SEMG2: variants seen among roughly 807,000 people sequenced by gnomAD.
SEMG2 encodes semenogelin-2.
Under a neutral mutation model 8.1 loss-of-function variants are expected in SEMG2, and 3 were observed. The observed-to-expected ratio is 0.37, with a 90% CI of 0.17 to 0.96. The LOEUF is 0.96. Among genes scored for constraint, SEMG2 ranks in the 40% least tolerant of loss-of-function variants. The pLI, the probability that SEMG2 is intolerant of heterozygous loss-of-function variation, is 0.41. For synonymous variants in SEMG2, 252 were observed against 231.4 expected (o/e 1.09, Z -0.81); for missense variants, 726 against 671.2 (o/e 1.08, Z -0.90).
At position 45,223,151 on chromosome 20, in the gene SEMG2, C is replaced by G. The variant is rs139726931; in HGVS notation, c.1519C>G (p.Gln507Glu). The G allele has an allele frequency of 1.2e-6, 2 of 1,614,026 alleles. No homozygotes were observed. Among genetic ancestry groups the G allele is most frequent in the Non-Finnish European group, 1.7e-6 (2 of 1,179,962 alleles). The change falls in exon 2 of 3, where the codon CAA becomes GAA. Residue 507 changes from glutamine to glutamate, a missense_variant. Gln to Glu is a conservative substitution (Grantham distance 29). Transcript: ENST00000372769. ...TGAAAAGCTAGTAGAAGGCAAGTCT[C>G]AAATCCAGACACCAAATCCTAATCA... ...QIEKLVEGKS[Q>E]IQTPNPNQDQ...
rs1984060002 is a variant in SEMG2, at chr20:45,223,001, C to T, written c.1369C>T (p.Gln457Ter). The change falls in exon 2 of 3, where the codon CAA (glutamine) becomes TAA (stop). Residue 457 changes from glutamine (Q) to a stop codon, truncating the protein, a stop_gained. Coordinates refer to ENST00000372769, the MANE Select transcript of SEMG2 (RefSeq NM_003008.3). LOFTEE classifies it low-confidence loss of function (END_TRUNC). ...QNQVTIPSQD[Q>*]EHGHKENKMS... ...CCAGGTAACAATTCCTAGTCAAGAT[C>T]AAGAGCATGGCCATAAGGAAAATAA... is the stretch of plus-strand genomic sequence containing the variant. 1 of 1,614,118 alleles carries T rather than the reference C, an allele frequency of 6.2e-7. No individual in the cohort carries two copies. Among genetic ancestry groups the T allele is most frequent in the African/African-American group, 1.3e-5 (1 of 75,038 alleles).
chr20:45,221,867 A>G lies in SEMG2; in HGVS notation c.235A>G (p.Thr79Ala). Residue 79 changes from threonine (T) to alanine (A), a missense_variant, in exon 2 of 3, where the codon ACC (threonine) becomes GCC (alanine). By Grantham distance (58) the Thr-to-Ala change is moderately conservative. Coordinates refer to ENST00000372769, the MANE Select transcript of SEMG2 (RefSeq NM_003008.3). ...TGTAGACATCAATGATCATGACTGG[A>G]CCCGAAAAAGTCAGCAATATGATTT... Reference protein sequence around the residue: ...YHVDINDHDWTRKSQQYDLNA... With the variant: ...YHVDINDHDWARKSQQYDLNA... The G allele has an allele frequency of 1.9e-6, 3 of 1,614,098 alleles. No homozygotes were observed. The highest frequency in any genetic ancestry group is 2.5e-6 in the Non-Finnish European group (3 of 1,180,004).
chr20:45,223,341 CACA>C lies in SEMG2; in HGVS notation c.1714_1716del (p.Gln572del). ...GAGGTTGCCCAAGATGATCATTTGA[CACA>C]ACAATATAATGAAGACAGAAATCCA... On this transcript the variant is annotated inframe_deletion, in exon 2 of 3. Coordinates refer to ENST00000372769, the MANE Select transcript of SEMG2 (RefSeq NM_003008.3). The C allele has an allele frequency of 6.2e-7, 1 of 1,613,742 alleles. No homozygotes were observed. The highest frequency in any genetic ancestry group is 8.5e-7 in the Non-Finnish European group (1 of 1,179,754).
Position 45,223,231 on chromosome 20 carries a change from C to T in SEMG2, c.1599C>T (p.Ser533=). 1 of 1,614,106 alleles carries T rather than the reference C, an allele frequency of 6.2e-7. No homozygotes were observed. Among genetic ancestry groups the T allele is most frequent in the African/African-American group, 1.3e-5 (1 of 75,026 alleles). The part of the protein sequence containing the change: ...AKGKSGQSAD[S]KQDLLSHEQK... Reference sequence around the variant, plus strand: ...GAAAGTCTGGTCAATCTGCAGATAGCAAACAAGACCTACTCAGTCATGAAC... The same window carrying T: ...GAAAGTCTGGTCAATCTGCAGATAGTAAACAAGACCTACTCAGTCATGAAC... Residue 533 remains serine, a synonymous_variant, in exon 2 of 3, where the codon AGC becomes AGT. Coordinates refer to ENST00000372769, the MANE Select transcript of SEMG2 (RefSeq NM_003008.3).
chr20:45,221,522 A>C (rs1218138954), intron 1 of SEMG2, 57 bp downstream of exon 1: 2 of 1,592,392 alleles, frequency 1.3e-6, no homozygotes, highest in East Asian at 4.5e-5. Context: ...GCCTCTAAGG[A>C]TATTCAGGGT....
Position 45,222,117 on chromosome 20 carries a change from C to G in SEMG2, c.485C>G (p.Thr162Arg). ...GKGLSSQCSN[T>R]EKRLWVHGLS... ...GGATTATCCAGTCAATGTTCAAACA[C>G]AGAAAAAAGGCTATGGGTTCATGGA... is the stretch of plus-strand genomic sequence containing the variant. Residue 162 changes from threonine (T) to arginine (R), a missense_variant, in exon 2 of 3, where the codon ACA becomes AGA. By Grantham distance (71) the Thr-to-Arg change is moderately conservative (BLOSUM62 -1). Coordinates refer to ENST00000372769, the MANE Select transcript of SEMG2 (RefSeq NM_003008.3). 1 of 1,613,180 alleles carries G rather than the reference C, an allele frequency of 6.2e-7. No homozygotes were observed.
At position 45,222,750 on chromosome 20, in the gene SEMG2, G is replaced by A. The variant is rs1354108950; in HGVS notation, c.1118G>A (p.Ser373Asn). 2 of 1,614,030 alleles carry A rather than the reference G, an allele frequency of 1.2e-6. No individual in the cohort carries two copies. Among genetic ancestry groups the A allele is most frequent in the South Asian group, 1.1e-5 (1 of 91,078 alleles). Residue 373 changes from serine (S) to asparagine (N), a missense_variant, in exon 2 of 3, where the codon AGT (serine) becomes AAT (asparagine). By Grantham distance (46) the Ser-to-Asn change is conservative. Transcript: ENST00000372769. ...KGIQKGVSKG[S>N]ISIQTEEQIH... is the part of the protein sequence containing the mutation. ...ATCCAGAAAGGTGTATCCAAAGGCA[G>A]TATTTCGATCCAAACTGAAGAGCAA...
Position 45,221,458 on chromosome 20 carries a change from A to T in SEMG2, c.69A>T (p.Gly23=), listed in dbSNP as rs1266304622. The T allele has an allele frequency of 5.0e-6, 8 of 1,614,032 alleles. No homozygotes were observed. Among genetic ancestry groups the T allele is most frequent in the Non-Finnish European group, 5.9e-6 (7 of 1,180,018 alleles). The change falls in exon 1 of 3, where the codon GGA becomes GGT. Residue 23 remains glycine (G), a synonymous_variant. Coordinates refer to ENST00000372769, the MANE Select transcript of SEMG2 (RefSeq NM_003008.3). ...TGGAGAAGCAAGCAGCTGTGATGGGACAAAAAGGTGAGTGGAGAGGGTAAG... is the reference window on the plus strand; with the variant it reads ...TGGAGAAGCAAGCAGCTGTGATGGGTCAAAAAGGTGAGTGGAGAGGGTAAG... ...LILEKQAAVM[G]QKGGSKGQLP...
chr20:45,221,865 G>A lies in SEMG2; in HGVS notation c.233G>A (p.Trp78Ter), dbSNP rs2145591196. Residue 78 changes from tryptophan to a stop codon, truncating the protein, a stop_gained, in exon 2 of 3, where the codon TGG becomes TAG. Transcript: ENST00000372769. LOFTEE classifies it low-confidence loss of function (END_TRUNC). Reference sequence around the variant, plus strand: ...CATGTAGACATCAATGATCATGACTGGACCCGAAAAAGTCAGCAATATGAT... The same window carrying A: ...CATGTAGACATCAATGATCATGACTAGACCCGAAAAAGTCAGCAATATGAT... ...TYHVDINDHD[W>*]TRKSQQYDLN... is the part of the protein sequence containing the mutation. The A allele has an allele frequency of 6.2e-7, 1 of 1,613,980 alleles. No homozygotes were observed. The highest frequency in any genetic ancestry group is 1.7e-5 in the Admixed American group (1 of 59,996).
chr20:45,221,653 G>A, intron 1 of SEMG2, 56 bp from the exon 2 acceptor site: 1 of 1,472,914 alleles, frequency 6.8e-7, no homozygotes, highest in Non-Finnish European at 9.2e-7. Flanking sequence ...GGAGGTAAGA[G>A]TTGCAAGAGA....
rs1434027050 is a variant in SEMG2, at chr20:45,222,372, A to T, written c.740A>T (p.Gln247Leu). 1 of 1,614,180 alleles carries T rather than the reference A, an allele frequency of 6.2e-7. No individual in the cohort carries two copies. Among genetic ancestry groups the T allele is most frequent in the East Asian group, 2.2e-5 (1 of 44,884 alleles). Residue 247 changes from glutamine (Q) to leucine (L), a missense_variant, in exon 2 of 3, where the codon CAA (glutamine) becomes CTA (leucine). Transcript: ENST00000372769. ...CATCCTGCACATCAAGACAGACTCC[A>T]ACATGGACCCAAAGACATTTTTACT... ...SLHPAHQDRL[Q>L]HGPKDIFTTQ...
Position 45,221,476 on chromosome 20 carries a change from A to T in SEMG2, c.76+11A>T, listed in dbSNP as rs1259115496. The T allele has an allele frequency of 6.2e-7, 1 of 1,613,852 alleles. No homozygotes were observed. The highest frequency in any genetic ancestry group is 8.5e-7 in the Non-Finnish European group (1 of 1,179,932). ...TGATGGGACAAAAAGGTGAGTGGAG[A>T]GGGTAAGCCTTGGGGAAAGCTACTT... On this transcript the variant is annotated intron_variant, in intron 1 of 2. Coordinates refer to ENST00000372769, the MANE Select transcript of SEMG2 (RefSeq NM_003008.3).
rs1027654220 is a variant in SEMG2, at chr20:45,222,950, G to A, written c.1318G>A (p.Glu440Lys). Residue 440 changes from glutamate to lysine, a missense_variant, in exon 2 of 3, where the codon GAG (glutamate) becomes AAG (lysine). By Grantham distance (56) the Glu-to-Lys change is moderately conservative. Transcript: ENST00000372769. ...SKGSISIQTEEKIHGKSQNQV... is the reference protein window; with the variant it reads ...SKGSISIQTEKKIHGKSQNQV... ...AGGCAGTATTTCTATCCAAACTGAA[G>A]AGAAAATACATGGCAAGTCTCAAAA... 4 of 1,613,566 alleles carry A rather than the reference G, an allele frequency of 2.5e-6. No homozygotes were observed. Among genetic ancestry groups the A allele is most frequent in the African/African-American group, 1.3e-5 (1 of 74,856 alleles).
Position 45,222,797 on chromosome 20 carries a change from C to T in SEMG2, c.1165C>T (p.Gln389Ter), listed in dbSNP as rs1984053632. The T allele has an allele frequency of 1.2e-6, 2 of 1,614,074 alleles. No individual in the cohort carries two copies. The highest frequency in any genetic ancestry group is 1.7e-6 in the Non-Finnish European group (2 of 1,180,002). Residue 389 changes from glutamine (Q) to a stop codon, truncating the protein, a stop_gained, in exon 2 of 3, where the codon CAG becomes TAG. Coordinates refer to ENST00000372769, the MANE Select transcript of SEMG2 (RefSeq NM_003008.3). LOFTEE classifies it low-confidence loss of function (END_TRUNC). The stretch of plus-strand genomic sequence containing the variant: ...GCAAATACATGGCAAGTCTCAAAAC[C>T]AGGTAAGAATTCCTAGTCAAGCTCA... Reference protein sequence around the residue: ...EEQIHGKSQNQVRIPSQAQEY... With the variant: ...EEQIHGKSQN
Position 45,222,236 on chromosome 20 carries a change from G to T in SEMG2, c.604G>T (p.Val202Leu), listed in dbSNP as rs543677867. The part of the protein sequence containing the change: ...SSYVLQTEEL[V>L]VNKQQRETKN... ...TTATGTTCTCCAAACTGAAGAACTA[G>T]TAGTTAACAAACAACAACGTGAGAC... The change falls in exon 2 of 3, where the codon GTA (valine) becomes TTA (leucine). Residue 202 changes from valine (V) to leucine (L), a missense_variant. Physicochemically the swap from Val to Leu is conservative, Grantham distance 32. Coordinates refer to ENST00000372769, the MANE Select transcript of SEMG2 (RefSeq NM_003008.3). 5 of 1,614,170 alleles carry T rather than the reference G, an allele frequency of 3.1e-6. No individual in the cohort carries two copies. The South Asian group carries it at 5.5e-5, about 18-fold the overall frequency.
rs372348482 is a variant in SEMG2, at chr20:45,222,408, A to G, written c.776A>G (p.Glu259Gly). The G allele has an allele frequency of 1.2e-6, 2 of 1,614,156 alleles. No homozygotes were observed. Among genetic ancestry groups the G allele is most frequent in the African/African-American group, 1.3e-5 (1 of 75,060 alleles). The change falls in exon 2 of 3, where the codon GAG becomes GGG. Residue 259 changes from glutamate to glycine, a missense_variant. Coordinates refer to ENST00000372769, the MANE Select transcript of SEMG2 (RefSeq NM_003008.3). ...AAAGACATTTTTACTACCCAAGATGAGCTCCTAGTATATAACAAGAATCAA... is the reference window on the plus strand; with the variant it reads ...AAAGACATTTTTACTACCCAAGATGGGCTCCTAGTATATAACAAGAATCAA... ...GPKDIFTTQD[E>G]LLVYNKNQHQ...
In SEMG2 at chr20:45,222,737, G is replaced by A. The variant is rs757121228; in HGVS notation, c.1105G>A (p.Val369Ile). The stretch of plus-strand genomic sequence containing the variant: ...TGGAGAAAAGGGCATCCAGAAAGGT[G>A]TATCCAAAGGCAGTATTTCGATCCA... ...NCGEKGIQKG[V>I]SKGSISIQTE... The change falls in exon 2 of 3, where the codon GTA becomes ATA. Residue 369 changes from valine (V) to isoleucine (I), a missense_variant. Transcript: ENST00000372769. The A allele has an allele frequency of 1.2e-6, 2 of 1,613,916 alleles. No individual in the cohort carries two copies. Among genetic ancestry groups the A allele is most frequent in the Non-Finnish European group, 1.7e-6 (2 of 1,179,976 alleles).
At position 45,223,149 on chromosome 20, in the gene SEMG2, C is replaced by T; in HGVS notation, c.1517C>T (p.Ser506Phe). ...ATTGAAAAGCTAGTAGAAGGCAAGT[C>T]TCAAATCCAGACACCAAATCCTAAT... Reference protein sequence around the residue: ...FQIEKLVEGKSQIQTPNPNQD... With the variant: ...FQIEKLVEGKFQIQTPNPNQD... The change falls in exon 2 of 3, where the codon TCT becomes TTT. Residue 506 changes from serine to phenylalanine, a missense_variant. Transcript: ENST00000372769. 1 of 1,614,022 alleles carries T rather than the reference C, an allele frequency of 6.2e-7. No individual in the cohort carries two copies. Among genetic ancestry groups the T allele is most frequent in the Non-Finnish European group, 8.5e-7 (1 of 1,179,954 alleles).
Position 45,221,473 on chromosome 20 carries a change from G to A in SEMG2, c.76+8G>A, listed in dbSNP as rs1215287088. The A allele has an allele frequency of 6.2e-7, 1 of 1,613,986 alleles. No individual in the cohort carries two copies. The highest frequency in any genetic ancestry group is 8.5e-7 in the Non-Finnish European group (1 of 1,179,980). On this transcript the variant is annotated splice_region_variant and intron_variant, in intron 1 of 2. Coordinates refer to ENST00000372769, the MANE Select transcript of SEMG2 (RefSeq NM_003008.3). ...CTGTGATGGGACAAAAAGGTGAGTG[G>A]AGAGGGTAAGCCTTGGGGAAAGCTA... is the stretch of plus-strand genomic sequence containing the variant.
Sources: gnomAD v4.1 joint callset for allele counts on GRCh38, gnomAD v4.1.1 for gene constraint, MANE v1.5 for transcripts, NCBI Gene and HGNC (gene_info 2026-07-23, HGNC 2026-07-21) for gene names.